Variants in SLIT3 observed in about 807,000 individuals in gnomAD.
SLIT3 encodes the protein slit homolog 3 protein.
In SLIT3, 68 loss-of-function variants were observed where a neutral mutation model predicts 184.0. That is an observed-to-expected ratio of 0.37 (90% CI 0.30 to 0.45). The LOEUF is 0.45. SLIT3 is among the 20% of genes least tolerant of loss of function. The pLI, the probability that SLIT3 is intolerant of heterozygous loss-of-function variation, is 1.00. For missense variants in SLIT3, 1,707 were observed against 2,026.0 expected (o/e 0.84, Z 3.02); for synonymous variants, 831 against 828.6 (o/e 1.00, Z -0.05).
intron 4 of SLIT3, among the ~76,000 whole-genome samples, chr5:169,189,839 T>G (rs749542298): frequency 1.2e-4 from 18 of 152,094 alleles, no homozygotes; most frequent in Non-Finnish European, 2.5e-4. Context: ...GTTAGGAGAA[T>G]TAAATGAGTT....
At chr5:168,670,091 G>T in intron 34 of SLIT3, 100 bp from the exon 35 acceptor site, 1 of 937,114 alleles carries the variant, frequency 1.1e-6, no homozygotes, top group South Asian at 1.4e-5. Flanking sequence ...ACCCGGAGCT[G>T]AGTACAGTCC....
intron 4 of SLIT3, among the ~76,000 whole-genome samples, chr5:168,903,694 C>T (rs1265118730): frequency 1.3e-5 from 2 of 152,122 alleles, no homozygotes; most frequent in African/African-American, 4.8e-5. Flanking sequence ...AGGGCCTTGC[C>T]CATCTTGTTC....
At chr5:168,677,272 G>GT (rs1761444933) in intron 32 of SLIT3, among the ~76,000 whole-genome samples, 1 of 152,060 alleles carries the variant, frequency 6.6e-6, no homozygotes, top group Non-Finnish European at 1.5e-5. Flanking sequence ...TACAACATTG[G>GT]TTTTTTGGTT....
rs1379015111 is a variant in SLIT3, at chr5:169,244,090, C to T, written c.341+615G>A. 1.1e-4 allele frequency among the ~76,000 whole-genome samples: 16 copies of T among 152,332 alleles called. No homozygotes were observed. The East Asian group carries it at 2.9e-3, about 28-fold the overall frequency. ...GGCTCCAACCATCTTCCATTCCCAT[C>T]CCTTTTCCTCTTTCCCTCTCATTGA... On this transcript the variant is annotated intron_variant, in intron 3 of 35. Coordinates refer to ENST00000519560, the MANE Select transcript of SLIT3 (RefSeq NM_003062.4).
chr5:168,787,898 G>T (rs1297818164), intron 11 of SLIT3, among the ~76,000 whole-genome samples: 1 of 152,136 alleles, frequency 6.6e-6, no homozygotes, highest in Non-Finnish European at 1.5e-5. Flanking sequence ...GATCCTGTGT[G>T]TACAGTTCAC....
At chr5:169,184,480 C>T (rs564387558) in intron 4 of SLIT3, among the ~76,000 whole-genome samples, 1 of 152,328 alleles carries the variant, frequency 6.6e-6, no homozygotes, top group South Asian at 2.1e-4. Context: ...ACCTAGCACA[C>T]ATTAGGTGCT....
chr5:169,269,070 T>C (rs1307622504), intron 1 of SLIT3, among the ~76,000 whole-genome samples: 1 of 152,216 alleles, frequency 6.6e-6, no homozygotes, highest in African/African-American at 2.4e-5. Flanking sequence ...AGGACAGGCC[T>C]GGATGGTCTG....
intron 4 of SLIT3, among the ~76,000 whole-genome samples, chr5:169,164,838 C>G (rs1474639634): frequency 6.6e-6 from 1 of 152,232 alleles, no homozygotes; most frequent in Non-Finnish European, 1.5e-5. Context: ...CAAGGCTGCC[C>G]TGCTGGGGTG....
chr5:169,140,202 C>G (rs960359584), intron 4 of SLIT3, among the ~76,000 whole-genome samples: 1 of 151,244 alleles, frequency 6.6e-6, no homozygotes, highest in South Asian at 2.1e-4. Context: ...CGGTGGCTCA[C>G]GCCTGTAATC....
intron 4 of SLIT3, among the ~76,000 whole-genome samples, chr5:168,920,988 T>A (rs1761619076): frequency 2.0e-5 from 3 of 152,128 alleles, no homozygotes; most frequent in Admixed American, 1.3e-4. Context: ...CTCTGCTCCT[T>A]GAGCTGTCAA....
chr5:168,791,248 G>A (rs985554805), intron 10 of SLIT3: 1 of 152,240 alleles, frequency 6.6e-6, no homozygotes, highest in Non-Finnish European at 1.5e-5. Context: ...TCAAGGTGCT[G>A]AGACCTCTAG....
chr5:169,053,406 CTTTT>C (rs543308172), intron 4 of SLIT3, among the ~76,000 whole-genome samples: 318 of 152,234 alleles, frequency 2.1e-3, no homozygotes, highest in African/African-American at 7.2e-3. Context: ...ATGCAGTTGC[CTTTT>C]TTTGTTTTGC....
At chr5:168,831,618 T>C (rs1349116322) in intron 6 of SLIT3, among the ~76,000 whole-genome samples, 1 of 151,930 alleles carries the variant, frequency 6.6e-6, no homozygotes, top group East Asian at 1.9e-4. Flanking sequence ...ACAGCTGGGG[T>C]TTTTGTCTCA....
chr5:169,026,768 A>G (rs1285542422), intron 4 of SLIT3: 7 of 151,734 alleles, frequency 4.6e-5, no homozygotes, highest in Non-Finnish European at 7.4e-5. Context: ...TATTTTATGC[A>G]GTGAGCTTCT....
chr5:168,802,159 A>AG (rs1461618156), intron 9 of SLIT3, among the ~76,000 whole-genome samples: 2 of 152,160 alleles, frequency 1.3e-5, no homozygotes, highest in Admixed American at 1.3e-4. Context: ...AAAAAAAAAA[A>AG]AAAGACATTT....
intron 11 of SLIT3, among the ~76,000 whole-genome samples, chr5:168,786,656 T>C (rs1265422018): frequency 6.6e-6 from 1 of 152,196 alleles, no homozygotes; most frequent in East Asian, 1.9e-4. Flanking sequence ...GTGACCCTCA[T>C]ACTGGTGTCT....
At chr5:168,755,446 T>TCTCTCTCTCTCTCTCTCTC (rs1754904459) in intron 16 of SLIT3, among the ~76,000 whole-genome samples, 1 of 115,664 alleles carries the variant, frequency 8.6e-6, no homozygotes, top group Admixed American at 9.0e-5. Flanking sequence ...TCTTTCTTTC[T>TCTCTCTCTCTCTCTCTCTC]TTTTGAGACA....
intron 4 of SLIT3, among the ~76,000 whole-genome samples, chr5:169,047,654 C>A (rs1271693602): frequency 1.3e-5 from 2 of 152,108 alleles, no homozygotes; most frequent in Non-Finnish European, 2.9e-5. Context: ...TGACCAAACT[C>A]CCCCGACTAC....
chr5:169,235,284 C>A (rs1177626399), intron 3 of SLIT3, among the ~76,000 whole-genome samples: 1 of 152,156 alleles, frequency 6.6e-6, no homozygotes, highest in South Asian at 2.1e-4. Context: ...TCATCCATTT[C>A]TTTTTAAAAT....
Sources: allele counts gnomAD v4.1 joint callset (sites outside exome capture counted in the v4.1 genomes callset), GRCh38; gene constraint gnomAD v4.1.1; transcripts MANE v1.5; gene names NCBI Gene and HGNC (gene_info 2026-07-23, HGNC 2026-07-21).